Variants in THSD7B observed in about 807,000 individuals in gnomAD.
THSD7B encodes the protein thrombospondin type-1 domain-containing protein 7B.
In THSD7B, 138 loss-of-function variants were observed where a neutral mutation model predicts 213.6. The observed-to-expected ratio is 0.65, with a 90% CI of 0.56 to 0.74. The LOEUF is 0.74. Ranked by LOEUF, THSD7B falls within the 30% of genes least tolerant of loss-of-function variation. The pLI is 0.00. For missense variants in THSD7B, 1,931 were observed against 1,991.5 expected (o/e 0.97, Z 0.58); for synonymous variants, 742 against 687.0 (o/e 1.08, Z -1.25).
intron 15 of THSD7B, among the ~76,000 whole-genome samples, chr2:137,463,767 A>G (rs1275728286): frequency 1.3e-5 from 2 of 152,144 alleles, no homozygotes; most frequent in African/African-American, 4.8e-5. Flanking sequence ...AGGTGAGGTG[A>G]GTGCATAAAC....
chr2:136,934,909 A>G (rs1684696291), intron 2 of THSD7B, among the ~76,000 whole-genome samples: 1 of 151,884 alleles, frequency 6.6e-6, no homozygotes, highest in Admixed American at 6.6e-5. Flanking sequence ...TAAGATTTTT[A>G]TCTCATAAAT....
At chr2:137,035,065 ATGT>A (rs1453901721) in intron 2 of THSD7B, among the ~76,000 whole-genome samples, 1 of 152,200 alleles carries the variant, frequency 6.6e-6, no homozygotes, top group Non-Finnish European at 1.5e-5. Context: ...ACGTGCTACA[ATGT>A]TGTCTAGGAA....
intron 15 of THSD7B, among the ~76,000 whole-genome samples, chr2:137,557,730 G>A (rs547838458): frequency 6.6e-6 from 1 of 152,174 alleles, no homozygotes; most frequent in South Asian, 2.1e-4. Flanking sequence ...AGAACTGAAG[G>A]ACATAGAGAC....
chr2:137,258,251 T>C (rs144047214), intron 10 of THSD7B, among the ~76,000 whole-genome samples: 97 of 152,304 alleles, frequency 6.4e-4, no homozygotes, highest in African/African-American at 2.3e-3. Context: ...CCTAAAGATA[T>C]AAAGATATTA....
intron 7 of THSD7B, among the ~76,000 whole-genome samples, chr2:137,178,245 G>A (rs980645873): frequency 1.3e-5 from 2 of 151,430 alleles, no homozygotes; most frequent in East Asian, 3.9e-4. Context: ...TCAAATAGTG[G>A]AAAGCAATAG....
At chr2:137,453,797 A>G (rs1360503986) in intron 15 of THSD7B, among the ~76,000 whole-genome samples, 1 of 152,110 alleles carries the variant, frequency 6.6e-6, no homozygotes, top group East Asian at 1.9e-4. Flanking sequence ...GATAACCGCC[A>G]TTCTACTCAG....
intron 12 of THSD7B, among the ~76,000 whole-genome samples, chr2:137,315,668 C>A (rs375198658): frequency 4.5e-4 from 69 of 151,968 alleles, no homozygotes; most frequent in South Asian, 3.7e-3. Flanking sequence ...ACTTGATTTT[C>A]TTGTTCTGTT....
intron 7 of THSD7B, among the ~76,000 whole-genome samples, chr2:137,175,487 A>C (rs1445762487): frequency 6.6e-6 from 1 of 152,192 alleles, no homozygotes. Flanking sequence ...TCACAGTTGC[A>C]CTATGCATTT....
intron 7 of THSD7B, among the ~76,000 whole-genome samples, chr2:137,208,136 A>G (rs1216782597): frequency 6.6e-6 from 1 of 152,080 alleles, no homozygotes; most frequent in African/African-American, 2.4e-5. Context: ...GAACTTATAT[A>G]CCTTCTATGG....
chr2:137,031,778 A>T (rs1456190113), intron 2 of THSD7B, among the ~76,000 whole-genome samples: 1 of 151,710 alleles, frequency 6.6e-6, no homozygotes, highest in African/African-American at 2.4e-5. Context: ...GCCTCATCAC[A>T]TTCCCTTATC....
intron 3 of THSD7B, among the ~76,000 whole-genome samples, chr2:137,076,642 T>G (rs1271663295): frequency 6.6e-6 from 1 of 152,140 alleles, no homozygotes; most frequent in Non-Finnish European, 1.5e-5. Context: ...ACCCGGTACC[T>G]CAGTTGGAAA....
chr2:137,463,737 A>G (rs1351502841), intron 15 of THSD7B, among the ~76,000 whole-genome samples: 1 of 152,072 alleles, frequency 6.6e-6, no homozygotes, highest in Non-Finnish European at 1.5e-5. Flanking sequence ...GGTTTAGGGG[A>G]AAAGCTGTAC....
At chr2:136,786,609 C>T (rs917026036) in intron 1 of THSD7B, among the ~76,000 whole-genome samples, 1 of 152,112 alleles carries the variant, frequency 6.6e-6, no homozygotes, top group African/African-American at 2.4e-5. Context: ...CATCAACAAA[C>T]ATTTTGGGCT....
chr2:136,770,716 A>G (rs1204984399), intron 1 of THSD7B, among the ~76,000 whole-genome samples: 1 of 152,200 alleles, frequency 6.6e-6, no homozygotes, highest in Non-Finnish European at 1.5e-5. Context: ...TGATATTTGT[A>G]CTCGTGACAA....
At chr2:137,601,252 C>T (rs1265208284) in intron 17 of THSD7B, among the ~76,000 whole-genome samples, 2 of 152,100 alleles carry the variant, frequency 1.3e-5, no homozygotes, top group East Asian at 3.9e-4. Context: ...ACAGTAGTGC[C>T]TTAGGCCTCC....
At chr2:137,546,369 TATATATA>T (rs1680712050) in intron 15 of THSD7B, among the ~76,000 whole-genome samples, 3 of 52,446 alleles carry the variant, frequency 5.7e-5, no homozygotes, top group South Asian at 5.3e-4. Flanking sequence ...ATATTATATA[TATATATA>T]ATATATATAT....
chr2:137,154,184 GA>G (rs1679867463), intron 5 of THSD7B, among the ~76,000 whole-genome samples: 2 of 152,094 alleles, frequency 1.3e-5, no homozygotes, highest in Non-Finnish European at 2.9e-5. Context: ...GGGTTCTTAG[GA>G]AGTAACAGTA....
At chr2:136,887,299 G>A (rs921504048) in intron 2 of THSD7B, among the ~76,000 whole-genome samples, 2 of 36,452 alleles carry the variant, frequency 5.5e-5, no homozygotes, top group Admixed American at 3.7e-4. Flanking sequence ...CTCCATATTT[G>A]TTGTGTGTGT....
intron 7 of THSD7B, among the ~76,000 whole-genome samples, chr2:137,227,036 A>C (rs2105050425): frequency 6.6e-6 from 1 of 152,272 alleles, no homozygotes; most frequent in Admixed American, 6.5e-5. Flanking sequence ...TAGAGACAGA[A>C]AGAATGTAAA....
Sources: gnomAD v4.1 joint callset for allele counts (sites outside exome capture counted in the v4.1 genomes callset) on GRCh38, gnomAD v4.1.1 for gene constraint, MANE v1.5 for transcripts, NCBI Gene and HGNC (gene_info 2026-07-23, HGNC 2026-07-21) for gene names.